Variants in SDHB observed in about 807,000 individuals in gnomAD.
SDHB encodes succinate dehydrogenase complex iron sulfur subunit B.
A neutral mutation model predicts 39.7 loss-of-function variants in SDHB; 21 were observed. The ratio of observed to expected loss-of-function variants is 0.53; its 90% confidence interval spans 0.37 to 0.76. The LOEUF is 0.76. SDHB is among the 30% of genes least tolerant of loss of function. The probability of loss-of-function intolerance (pLI) is 0.00; values close to 1 mark genes in which losing one functional copy is unlikely to be tolerated. For synonymous variants in SDHB, 118 were observed against 117.0 expected (o/e 1.01, Z -0.06); for missense variants, 343 against 350.9 (o/e 0.98, Z 0.18).
At chr1:17,046,676 A>G (rs1557747253) in intron 1 of SDHB, among the ~76,000 whole-genome samples, 1 of 152,182 alleles carries the variant, frequency 6.6e-6, no homozygotes, top group Non-Finnish European at 1.5e-5. Context: ...GTTACTGCAT[A>G]TAACCATAGT....
chr1:17,050,266 CAT>C (rs1395544522), intron 1 of SDHB, among the ~76,000 whole-genome samples: 1 of 151,432 alleles, frequency 6.6e-6, no homozygotes, highest in Non-Finnish European at 1.5e-5. Flanking sequence ...TCTAAGTCGA[CAT>C]ATCCCAACAT....
intron 2 of SDHB, among the ~76,000 whole-genome samples, chr1:17,044,089 A>G (rs974809489): frequency 6.6e-6 from 1 of 152,126 alleles, no homozygotes; most frequent in African/African-American, 2.4e-5. Context: ...CATTTTAACC[A>G]CATCCCTACC....
rs77072680 is a variant in SDHB at position 17,044,953 on chromosome 1, C to A, written c.73-65G>T. 1,012 of 1,435,712 alleles carry A rather than the reference C, an allele frequency of 7.0e-4. 10 individuals are homozygous for A. The African/African-American group carries it at 0.012, about 18-fold the overall frequency. 88.9% of individuals were successfully genotyped at this position (1,435,712 alleles called of 1,614,324 possible). On this transcript the variant is annotated intron_variant, in intron 1 of 7. Coordinates refer to ENST00000375499, the MANE Select transcript of SDHB (RefSeq NM_003000.3). ...AGAAATACAAGATAATTCCATTTTG[C>A]TGGCACAACAGATGTAACGCTGGAT...
intron 4 of SDHB, among the ~76,000 whole-genome samples, chr1:17,028,219 C>T (rs922962329): frequency 6.6e-6 from 1 of 152,226 alleles, no homozygotes; most frequent in Non-Finnish European, 1.5e-5. Flanking sequence ...GCATTTTCCA[C>T]ATGATTTCTT....
At chr1:17,023,315 G>C (rs1446737378) in intron 6 of SDHB, among the ~76,000 whole-genome samples, 1 of 152,148 alleles carries the variant, frequency 6.6e-6, no homozygotes, top group Non-Finnish European at 1.5e-5. Flanking sequence ...AAAGTGACAA[G>C]TATGAGTGTA....
At position 17,018,843 on chromosome 1, in the gene SDHB, T is replaced by C. The variant is rs750150938; in HGVS notation, c.*38A>G. The C allele has an allele frequency of 2.0e-5, 29 of 1,434,144 alleles. No homozygotes were observed. Among genetic ancestry groups the C allele is most frequent in the Non-Finnish European group, 2.9e-5 (29 of 1,016,468 alleles). The allele number at this position is 1,434,144 out of a possible 1,614,324, so 88.8% of individuals were successfully genotyped here. On this transcript the variant is annotated 3_prime_UTR_variant, in exon 8 of 8. Transcript: ENST00000375499. ...AAATTAGATATAAATTATGTTCAGC[T>C]CTGAGCTGGTTATAAATCATGTTTA...
At chr1:17,038,669 A>AATAAAGTAT (rs769156560) in intron 2 of SDHB, among the ~76,000 whole-genome samples, 12 of 152,226 alleles carry the variant, frequency 7.9e-5, no homozygotes, top group Non-Finnish European at 1.8e-4. Flanking sequence ...AATATCTCAC[A>AATAAAGTAT]ATAAAGTATG....
intron 1 of SDHB, among the ~76,000 whole-genome samples, chr1:17,051,190 C>A (rs1287661909): frequency 6.6e-6 from 1 of 152,200 alleles, no homozygotes; most frequent in Non-Finnish European, 1.5e-5. Context: ...ACCTGCCCAG[C>A]AATTTATACT....
chr1:17,045,201 G>A, intron 1 of SDHB: 1 of 358,596 alleles, frequency 2.8e-6, no homozygotes, highest in Non-Finnish European at 5.4e-6. Context: ...GATACTGTTG[G>A]GAAAGTACAG....
chr1:17,020,597 A>G (rs760839685), intron 7 of SDHB, among the ~76,000 whole-genome samples: 1 of 152,196 alleles, frequency 6.6e-6, no homozygotes, highest in Admixed American at 6.5e-5. Context: ...TTCTGAAGAA[A>G]CACACAGCCA....
chr1:17,048,905 T>C (rs1330962587), intron 1 of SDHB, among the ~76,000 whole-genome samples: 1 of 152,068 alleles, frequency 6.6e-6, no homozygotes, highest in African/African-American at 2.4e-5. Context: ...GAGACGGGGT[T>C]TCACCATGTT....
intron 7 of SDHB, among the ~76,000 whole-genome samples, chr1:17,021,859 A>G (rs1258809357): frequency 6.6e-6 from 1 of 152,174 alleles, no homozygotes; most frequent in Non-Finnish European, 1.5e-5. Context: ...CAGCCTCTAG[A>G]GCTGTGCGTC....
At chr1:17,031,191 C>T (rs1252454763) in intron 3 of SDHB, among the ~76,000 whole-genome samples, 1 of 151,986 alleles carries the variant, frequency 6.6e-6, no homozygotes, top group South Asian at 2.1e-4. Context: ...TAAGCAAATA[C>T]TCCTAGAGTT....
At chr1:17,030,073 C>T (rs1414716203) in intron 3 of SDHB, among the ~76,000 whole-genome samples, 1 of 152,062 alleles carries the variant, frequency 6.6e-6, no homozygotes, top group Non-Finnish European at 1.5e-5. Flanking sequence ...CCTGTAATCC[C>T]AGCTACTCAG....
chr1:17,033,727 T>A (rs1202439806), intron 2 of SDHB, among the ~76,000 whole-genome samples: 1 of 152,236 alleles, frequency 6.6e-6, no homozygotes, highest in African/African-American at 2.4e-5. Context: ...CTGAGCCACT[T>A]ACCAGCTTGC....
chr1:17,043,642 T>G (rs1024965381), intron 2 of SDHB, among the ~76,000 whole-genome samples: 2 of 152,214 alleles, frequency 1.3e-5, no homozygotes, highest in African/African-American at 4.8e-5. Context: ...TTTCTTTTCT[T>G]TGGCTAACTG....
At chr1:17,030,399 C>A (rs1357640231) in intron 3 of SDHB, among the ~76,000 whole-genome samples, 1 of 151,996 alleles carries the variant, frequency 6.6e-6, no homozygotes, top group Non-Finnish European at 1.5e-5. Flanking sequence ...GCTATGAAAT[C>A]CACAAAAGCT....
At position 17,054,024 on chromosome 1, in the gene SDHB, G is replaced by C. The variant is rs200890535; in HGVS notation, c.-5C>G. The stretch of plus-strand genomic sequence containing the variant: ...GAGGGCGACCACCGCCGCCATCTTG[G>C]CTCCTGACGTCAGCCCCACCCCTTA... On this transcript the variant is annotated 5_prime_UTR_variant, in exon 1 of 8. Coordinates refer to ENST00000375499, the MANE Select transcript of SDHB (RefSeq NM_003000.3). 3.7e-6 allele frequency: 6 copies of C among 1,608,180 alleles called. No individual in the cohort carries two copies. In the South Asian group the frequency reaches 4.4e-5, roughly 12 times the overall value.
At chr1:17,029,430 A>AT (rs34853585) in intron 3 of SDHB, among the ~76,000 whole-genome samples, 101 of 137,146 alleles carry the variant, frequency 7.4e-4, no homozygotes, top group African/African-American at 8.0e-4. Flanking sequence ...CGTCAAGCCT[A>AT]TTTTTTTTTT....
Sources: allele counts gnomAD v4.1 joint callset (sites outside exome capture counted in the v4.1 genomes callset), GRCh38; gene constraint gnomAD v4.1.1; transcripts MANE v1.5; gene names NCBI Gene and HGNC (gene_info 2026-07-23, HGNC 2026-07-21).